GALNT13: variants seen among roughly 807,000 people sequenced by gnomAD.
GALNT13 encodes polypeptide N-acetylgalactosaminyltransferase 13, also known as UDP-GalNAc:polypeptide N-acetylgalactosaminyltransferase 13.
Under a neutral mutation model 64.2 loss-of-function variants are expected in GALNT13, and 28 were observed. The ratio of observed to expected loss-of-function variants is 0.44; its 90% confidence interval spans 0.32 to 0.60. The LOEUF is 0.60. Among genes scored for constraint, GALNT13 ranks in the 20% least tolerant of loss-of-function variants. The probability of loss-of-function intolerance (pLI) is 0.05; values close to 1 mark genes in which losing one functional copy is unlikely to be tolerated. For missense variants in GALNT13, 577 were observed against 669.8 expected, an observed-to-expected ratio of 0.86 and a Z score of 1.53; for synonymous variants, 214 against 224.6, an observed-to-expected ratio of 0.95 and a Z score of 0.42.
the GALNT13 span, among the ~76,000 whole-genome samples, chr2:153,324,801 T>G: frequency 6.6e-6 from 1 of 152,230 alleles, no homozygotes; most frequent in Non-Finnish European, 1.5e-5. Flanking sequence ...TTTGCATATG[T>G]TGAAGCAGCC....
the GALNT13 span, among the ~76,000 whole-genome samples, chr2:153,097,195 T>C: frequency 6.6e-6 from 1 of 152,158 alleles, no homozygotes; most frequent in Non-Finnish European, 1.5e-5. Context: ...CTTATACTGT[T>C]TCTATTTATA....
the GALNT13 span, among the ~76,000 whole-genome samples, chr2:153,321,920 C>T: frequency 6.6e-6 from 1 of 151,592 alleles, no homozygotes; most frequent in African/African-American, 2.4e-5. Flanking sequence ...TCAAGTGAGT[C>T]TAAGAGTCTG....
chr2:153,883,756 A>G (rs981546276), intron 1 of GALNT13, among the ~76,000 whole-genome samples: 1 of 152,080 alleles, frequency 6.6e-6, no homozygotes, highest in African/African-American at 2.4e-5. Flanking sequence ...ATGTACAAAG[A>G]AAAAAAGTAG....
intron 4 of GALNT13, among the ~76,000 whole-genome samples, chr2:154,142,455 A>C (rs935920793): frequency 6.7e-6 from 1 of 148,154 alleles, no homozygotes; most frequent in Non-Finnish European, 1.5e-5. Context: ...AGGCTGAGGC[A>C]GGAGAATTGC....
At chr2:153,985,373 C>A (rs1275659502) in intron 3 of GALNT13, among the ~76,000 whole-genome samples, 1 of 151,914 alleles carries the variant, frequency 6.6e-6, no homozygotes, top group East Asian at 1.9e-4. Flanking sequence ...ATAGAACATA[C>A]CTTTTCTATT....
Position 154,446,649 on chromosome 2 carries a change from G to A in GALNT13, c.1531-3762G>A, listed in dbSNP as rs1305683782. 5 of 1,548,612 alleles carry A rather than the reference G, an allele frequency of 3.2e-6. No homozygotes were observed. The African/African-American group carries it at 4.1e-5, about 13-fold the overall frequency. On this transcript the variant is annotated intron_variant, in intron 12 of 12. Coordinates refer to ENST00000392825, the MANE Select transcript of GALNT13 (RefSeq NM_052917.4). ...TGATGGCTCCCAGCATCCTACTGTG[G>A]AAACCTGTAATGATAGCACTTTGCA...
chr2:153,375,977 G>A, the GALNT13 span, among the ~76,000 whole-genome samples: 1 of 152,022 alleles, frequency 6.6e-6, no homozygotes, highest in Non-Finnish European at 1.5e-5. Flanking sequence ...CCTGGGAGAG[G>A]TTCCAGGCTC....
rs915932616 is a variant in GALNT13, at chr2:153,913,040, G to A, written c.-105+12033G>A. 3.9e-5 allele frequency among the ~76,000 whole-genome samples: 6 copies of A among 152,174 alleles called. No individual in the cohort carries two copies. The East Asian group carries it at 5.8e-4, about 15-fold the overall frequency. The stretch of plus-strand genomic sequence containing the variant: ...ACAGGGGTCCTCCACTGGCAACTGT[G>A]CATGTGTTTATGCCAGTGTTGGTGT... On this transcript the variant is annotated intron_variant, in intron 2 of 12. Transcript: ENST00000392825.
chr2:153,406,543 G>A, the GALNT13 span, among the ~76,000 whole-genome samples: 1 of 152,044 alleles, frequency 6.6e-6, no homozygotes, highest in African/African-American at 2.4e-5. Context: ...GAGTAGCTGG[G>A]ATTATAGGAA....
chr2:153,255,231 C>G, the GALNT13 span, among the ~76,000 whole-genome samples: 3 of 144,514 alleles, frequency 2.1e-5, no homozygotes, highest in Non-Finnish European at 4.6e-5. Context: ...TAATGGCCTT[C>G]TTTGTCTCTT....
rs558838193 is a variant in GALNT13, at chr2:153,962,819, T to C, written c.142+18180T>C. ...GCCCATTCCTCCACTTGAGGCCTGA[T>C]AACCACTGATCTGGTTTTTGTGATT... On this transcript the variant is annotated intron_variant, in intron 3 of 12. Coordinates refer to ENST00000392825, the MANE Select transcript of GALNT13 (RefSeq NM_052917.4). 3.3e-5 allele frequency among the ~76,000 whole-genome samples: 5 copies of C among 152,330 alleles called. No homozygotes were observed. In the East Asian group the frequency reaches 5.8e-4, roughly 18 times the overall value.
At chr2:153,316,634 C>T in the GALNT13 span, among the ~76,000 whole-genome samples, 4 of 41,816 alleles carry the variant, frequency 9.6e-5, no homozygotes, top group East Asian at 2.8e-4. Context: ...AGCGAGACTC[C>T]GTCTCAAAAA....
At chr2:153,935,551 T>C (rs1690845988) in intron 2 of GALNT13, among the ~76,000 whole-genome samples, 1 of 152,182 alleles carries the variant, frequency 6.6e-6, no homozygotes, top group Admixed American at 6.5e-5. Flanking sequence ...ATAGAAACAA[T>C]GTTATGCAAG....
chr2:154,107,990 A>C (rs1002748782), intron 3 of GALNT13, among the ~76,000 whole-genome samples: 5 of 151,962 alleles, frequency 3.3e-5, no homozygotes, highest in Admixed American at 6.6e-5. Context: ...ACATTTCTTT[A>C]TTCATTTGTG....
the GALNT13 span, among the ~76,000 whole-genome samples, chr2:153,617,666 A>T: frequency 6.6e-6 from 1 of 151,876 alleles, no homozygotes. Context: ...GAATTCAGCA[A>T]TAAAACCACT....
the GALNT13 span, among the ~76,000 whole-genome samples, chr2:153,443,268 A>T: frequency 6.6e-6 from 1 of 152,104 alleles, no homozygotes; most frequent in Non-Finnish European, 1.5e-5. Flanking sequence ...TTCTCAAGGG[A>T]CAGTCCCTCA....
chr2:154,023,134 G>A (rs1002029798), intron 3 of GALNT13, among the ~76,000 whole-genome samples: 1 of 152,102 alleles, frequency 6.6e-6, no homozygotes, highest in African/African-American at 2.4e-5. Flanking sequence ...TTTTGGAGTA[G>A]GTGTTGTGTA....
At chr2:154,389,216 A>C (rs1698663253) in intron 9 of GALNT13, among the ~76,000 whole-genome samples, 1 of 151,860 alleles carries the variant, frequency 6.6e-6, no homozygotes, top group Non-Finnish European at 1.5e-5. Flanking sequence ...GCTCACTGCA[A>C]CCTCCACCTC....
intron 11 of GALNT13, among the ~76,000 whole-genome samples, chr2:154,432,019 G>C (rs538815826): frequency 3.5e-4 from 54 of 152,208 alleles, no homozygotes; most frequent in African/African-American, 1.2e-3. Flanking sequence ...TCTATGAAAA[G>C]AAAAATACAG....
Sources: gnomAD v4.1 joint callset for allele counts (sites outside exome capture counted in the v4.1 genomes callset) on GRCh38, gnomAD v4.1.1 for gene constraint, MANE v1.5 for transcripts, NCBI Gene and HGNC (gene_info 2026-07-23, HGNC 2026-07-21) for gene names.